Variants in AK4 observed in about 807,000 individuals in gnomAD.
AK4 encodes the protein adenylate kinase 4, also known as adenylate kinase 4, mitochondrial.
AK4 carries 13 observed loss-of-function variants against 24.6 expected under a neutral mutation model. The observed-to-expected ratio is 0.53, with a 90% CI of 0.34 to 0.84. The LOEUF is 0.84. AK4 is among the 40% of genes least tolerant of loss of function. The pLI, the probability that AK4 is intolerant of heterozygous loss-of-function variation, is 0.01. For synonymous variants in AK4, 88 were observed against 107.0 expected, an observed-to-expected ratio of 0.82 and a Z score of 1.10; for missense variants, 192 against 288.2, an observed-to-expected ratio of 0.67 and a Z score of 2.42.
Position 65,164,051 on chromosome 1 carries a change from G to A in AK4, c.145+15499G>A, listed in dbSNP as rs528183822. Among the ~76,000 whole-genome samples the A allele has an allele frequency of 9.9e-5, 15 of 152,234 alleles. No individual in the cohort carries two copies. The East Asian group carries it at 2.9e-3, about 29-fold the overall frequency. On this transcript the variant is annotated intron_variant, in intron 1 of 4. Transcript: ENST00000327299. ...CCCAGGAGCAATTTGGGGAGGTTTG[G>A]ACTCTTGGAGCCAGAGGCTGCATGA... is the stretch of plus-strand genomic sequence containing the variant.
chr1:65,152,559 C>CGTGTGGCTATTTTT, intron 1 of AK4, among the ~76,000 whole-genome samples: 1 of 151,326 alleles, frequency 6.6e-6, no homozygotes, highest in East Asian at 1.9e-4. Flanking sequence ...CACACCACCA[C>CGTGTGGCTATTTTT]GTGTGGCTAT....
intron 1 of AK4, among the ~76,000 whole-genome samples, chr1:65,180,502 G>A (rs1650863372): frequency 6.6e-6 from 1 of 152,170 alleles, no homozygotes; most frequent in African/African-American, 2.4e-5. Context: ...GTGCCAAAAT[G>A]CCTTAAATTT....
In AK4 at chr1:65,148,325, G is replaced by A. The variant is rs1649634461; in HGVS notation, c.-83G>A. 1.4e-6 allele frequency: 2 copies of A among 1,470,734 alleles called. No individual in the cohort carries two copies. The highest frequency in any genetic ancestry group is 1.8e-6 in the Non-Finnish European group (2 of 1,110,026). 91.1% of individuals were successfully genotyped at this position (1,470,734 alleles called of 1,614,324 possible). On this transcript the variant is annotated 5_prime_UTR_variant, in exon 1 of 5. Coordinates refer to ENST00000327299, the MANE Select transcript of AK4 (RefSeq NM_013410.4). The stretch of plus-strand genomic sequence containing the variant: ...AGAGCGGAGGGTGCCAGAGGTAGGG[G>A]GCCGAGAAACAAAGTTCCCGGGGCT...
Position 65,226,880 on chromosome 1 carries a change from C to T in AK4, c.*703C>T, listed in dbSNP as rs532895437. On this transcript the variant is annotated 3_prime_UTR_variant, in exon 5 of 5. Transcript: ENST00000327299. Reference sequence around the variant, plus strand: ...TAAACAATAGTTATTGCTTTTATCCCTCTCAGATTCTAATAACTGAGAGCG... The same window carrying T: ...TAAACAATAGTTATTGCTTTTATCCTTCTCAGATTCTAATAACTGAGAGCG... 6.7e-6 allele frequency: 1 copy of T among 149,430 alleles called. No homozygotes were observed. Among genetic ancestry groups the T allele is most frequent in the Admixed American group, 6.6e-5 (1 of 15,108 alleles). The allele number at this position is 149,430 out of a possible 1,614,324, so 9.3% of individuals were successfully genotyped here.
At chr1:65,196,389 C>T (rs545152419) in intron 2 of AK4, among the ~76,000 whole-genome samples, 2 of 152,054 alleles carry the variant, frequency 1.3e-5, no homozygotes, top group African/African-American at 4.8e-5. Context: ...GTTTGGTCAG[C>T]TTTGCTCTTG....
intron 2 of AK4, among the ~76,000 whole-genome samples, chr1:65,206,749 T>A (rs12042230): frequency 0.41 from 62,773 of 152,058 alleles, 13,247 homozygotes; most frequent in East Asian, 0.67. Flanking sequence ...ACTGCCCTCC[T>A]TCCTGGGTGA....
chr1:65,226,713 G>A lies in AK4; in HGVS notation c.*536G>A, dbSNP rs1238498032. 3.9e-5 allele frequency: 6 copies of A among 152,402 alleles called. No individual in the cohort carries two copies. Among genetic ancestry groups the A allele is most frequent in the Non-Finnish European group, 8.8e-5 (6 of 68,080 alleles). 9.4% of individuals were successfully genotyped at this position (152,402 alleles called of 1,614,324 possible). On this transcript the variant is annotated 3_prime_UTR_variant, in exon 5 of 5. Transcript: ENST00000327299. The stretch of plus-strand genomic sequence containing the variant: ...CTGGTCTTGAGTGACTGTGTCCACA[G>A]TTCATTTTTTTCCGGTAGGAATAAC...
chr1:65,163,784 C>G (rs1650246419), intron 1 of AK4, among the ~76,000 whole-genome samples: 1 of 152,110 alleles, frequency 6.6e-6, no homozygotes, highest in Non-Finnish European at 1.5e-5. Flanking sequence ...ATTCAAGGAT[C>G]AGAGTTTTTA....
intron 2 of AK4, among the ~76,000 whole-genome samples, chr1:65,216,905 TGCCC>T (rs1652150137): frequency 8.1e-6 from 1 of 124,126 alleles, no homozygotes; most frequent in African/African-American, 5.5e-5. Flanking sequence ...CTCTCTACAT[TGCCC>T]AGGCTGGCCT....
intron 1 of AK4, among the ~76,000 whole-genome samples, chr1:65,181,167 G>C (rs11208604): frequency 0.34 from 50,481 of 149,008 alleles, 9,617 homozygotes; most frequent in African/African-American, 0.52. Flanking sequence ...GTGGGTGCTA[G>C]AAACAATAAC....
At chr1:65,172,688 A>C (rs1227147658) in intron 1 of AK4, among the ~76,000 whole-genome samples, 1 of 152,154 alleles carries the variant, frequency 6.6e-6, no homozygotes, top group Non-Finnish European at 1.5e-5. Flanking sequence ...TGTCCTACCC[A>C]GAAAGCAAAA....
chr1:65,165,546 G>A (rs1459601052), intron 1 of AK4, among the ~76,000 whole-genome samples: 2 of 148,892 alleles, frequency 1.3e-5, no homozygotes, highest in African/African-American at 5.0e-5. Flanking sequence ...GCAACACAGG[G>A]AGATCCCATG....
intron 1 of AK4, among the ~76,000 whole-genome samples, chr1:65,148,763 G>A (rs1005654315): frequency 7.2e-6 from 1 of 139,708 alleles, no homozygotes; most frequent in South Asian, 2.3e-4. Flanking sequence ...CCGGTGGGAG[G>A]TGCCCACGGC....
intron 2 of AK4, 109 bp from the exon 3 acceptor site, chr1:65,218,645 C>T: frequency 1.8e-6 from 2 of 1,082,320 alleles, no homozygotes; most frequent in Non-Finnish European, 2.5e-6. Flanking sequence ...GTGTAAAGCT[C>T]CTTTTAGAAT....
At chr1:65,166,622 T>G (rs1650338742) in intron 1 of AK4, among the ~76,000 whole-genome samples, 2 of 152,126 alleles carry the variant, frequency 1.3e-5, no homozygotes, top group African/African-American at 2.4e-5. Flanking sequence ...TCCCAGACTC[T>G]AGCAATCCTC....
chr1:65,177,650 T>G (rs1307184223), intron 1 of AK4, among the ~76,000 whole-genome samples: 1 of 152,202 alleles, frequency 6.6e-6, no homozygotes, highest in Non-Finnish European at 1.5e-5. Flanking sequence ...CTCATGCATT[T>G]TGTGGGTGTT....
chr1:65,192,729 A>G (rs6677316), intron 2 of AK4, among the ~76,000 whole-genome samples: 46,661 of 152,132 alleles, frequency 0.31, 7,630 homozygotes, highest in East Asian at 0.52. Context: ...CCAAAATGCT[A>G]TGGTAGGAAG....
chr1:65,169,175 CAA>C (rs577188503), intron 1 of AK4, among the ~76,000 whole-genome samples: 26 of 64,760 alleles, frequency 4.0e-4, no homozygotes, highest in Non-Finnish European at 4.5e-4. Flanking sequence ...GACGCTGTCT[CAA>C]AAAAAAAAAA....
intron 1 of AK4, among the ~76,000 whole-genome samples, chr1:65,178,172 T>G (rs1650781178): frequency 6.6e-6 from 1 of 152,164 alleles, no homozygotes; most frequent in South Asian, 2.1e-4. Flanking sequence ...TGGCTCTTGC[T>G]TGACTGTTAA....
Sources: gnomAD v4.1 joint callset for allele counts (sites outside exome capture counted in the v4.1 genomes callset) on GRCh38, gnomAD v4.1.1 for gene constraint, MANE v1.5 for transcripts, NCBI Gene and HGNC (gene_info 2026-07-23, HGNC 2026-07-21) for gene names.